The following TCN2 variants were observed in gnomAD, a reference collection of about 807,000 sequenced individuals.
The protein encoded by TCN2 is transcobalamin-2.
TCN2 carries 34 observed loss-of-function variants against 48.6 expected under a neutral mutation model. The observed-to-expected ratio is 0.70, with a 90% CI of 0.53 to 0.93. The LOEUF (loss-of-function observed/expected upper bound fraction) is 0.93. TCN2 is among the 40% of genes least tolerant of loss of function. The pLI is 0.00. For missense variants in TCN2, 652 were observed against 526.1 expected (o/e 1.24, Z -2.34); for synonymous variants, 283 against 212.5 (o/e 1.33, Z -2.89).
intron 1 of TCN2, among the ~76,000 whole-genome samples, chr22:30,609,925 G>C (rs775962097): frequency 4.6e-5 from 7 of 152,280 alleles, no homozygotes; most frequent in Non-Finnish European, 8.8e-5. Context: ...AGGAGCTCTG[G>C]TCCTCGTTCT....
At chr22:30,607,452 C>G in intron 1 of TCN2, 57 bp downstream of exon 1, 1 of 1,602,340 alleles carries the variant, frequency 6.2e-7, no homozygotes, top group Admixed American at 1.7e-5. Context: ...AGTGGGGTGG[C>G]TAGGGCATAG....
At chr22:30,624,676 G>A (rs1465445193) in intron 8 of TCN2, among the ~76,000 whole-genome samples, 1 of 152,156 alleles carries the variant, frequency 6.6e-6, no homozygotes, top group East Asian at 1.9e-4. Flanking sequence ...AAGCAGACCT[G>A]GGCAGTTGTA....
chr22:30,614,491 C>G lies in TCN2; in HGVS notation c.570C>G (p.His190Gln). Residue 190 changes from histidine (H) to glutamine (Q), a missense_variant, in exon 4 of 9, where the codon CAC (histidine) becomes CAG (glutamine). Transcript: ENST00000215838. ...LYAVEPFHQG[H>Q]HSVDTAAMAG... is the part of the protein sequence containing the mutation. ...CTGTGGAACCTTTCCACCAGGGCCA[C>G]CATTCTGTGGGTGAGTAGGTCAGAC... The G allele has an allele frequency of 6.2e-7, 1 of 1,614,166 alleles. No individual in the cohort carries two copies. The highest frequency in any genetic ancestry group is 8.5e-7 in the Non-Finnish European group (1 of 1,180,036).
rs759533329 is a variant in TCN2 at position 30,615,738 on chromosome 22, C to T, written c.891C>T (p.Asn297=). The change falls in exon 6 of 9, where the codon AAC becomes AAT. Residue 297 remains asparagine (N), a synonymous_variant. Coordinates refer to ENST00000215838, the MANE Select transcript of TCN2 (RefSeq NM_000355.4). ...LMISQLLPVL[N]HKTYIDLIFP... The stretch of plus-strand genomic sequence containing the variant: ...TTTCCCAGCTGCTGCCCGTTCTGAA[C>T]CACAAGACCTACATTGATCTGATCT... 11 of 1,614,236 alleles carry T rather than the reference C, an allele frequency of 6.8e-6. No individual in the cohort carries two copies. The highest frequency in any genetic ancestry group is 3.3e-5 in the Admixed American group (2 of 60,026).
chr22:30,626,378 AG>A, intron 8 of TCN2, 81 bp from the exon 9 acceptor site: 1 of 1,450,308 alleles, frequency 6.9e-7, no homozygotes, highest in South Asian at 1.2e-5. Flanking sequence ...CTCTAGCCTC[AG>A]GGTGGGGGGT....
chr22:30,623,789 C>CACACATATACACAT (rs1569046409), intron 8 of TCN2, among the ~76,000 whole-genome samples: 1 of 5,652 alleles, frequency 1.8e-4, no homozygotes, highest in African/African-American at 1.6e-3. Context: ...TATATGTATA[C>CACACATATACACAT]ATATATACAC....
At chr22:30,626,304 C>G (rs566622391) in intron 8 of TCN2, among the ~76,000 whole-genome samples, 156 bp from the exon 9 acceptor site, 2 of 152,236 alleles carry the variant, frequency 1.3e-5, no homozygotes, top group African/African-American at 2.4e-5. Flanking sequence ...AGTTCAGAGT[C>G]TTTGAGCAGG....
rs143955145 is a variant in TCN2 at position 30,611,403 on chromosome 22, G to A, written c.257+340G>A. ...CAGATATCACTAATCGATGACTGCA[G>A]TCTTCTACATTGAGCTTAGAAGCAG... On this transcript the variant is annotated intron_variant, in intron 2 of 8. Transcript: ENST00000215838. Among the ~76,000 whole-genome samples, 471 of 152,240 alleles carry A rather than the reference G, an allele frequency of 3.1e-3. 2 individuals are homozygous for A. The highest frequency in any genetic ancestry group is 4.5e-3 in the Non-Finnish European group (305 of 68,024).
At chr22:30,621,986 G>GTTTGT (rs757825437) in intron 7 of TCN2, among the ~76,000 whole-genome samples, 38 of 152,140 alleles carry the variant, frequency 2.5e-4, no homozygotes, top group Admixed American at 1.4e-3. Context: ...GGCCCACGGA[G>GTTTGT]TTTGTTTTGT....
intron 2 of TCN2, among the ~76,000 whole-genome samples, chr22:30,612,567 TAAAATAAA>T (rs972566557): frequency 3.3e-5 from 5 of 151,338 alleles, no homozygotes; most frequent in African/African-American, 9.7e-5. Context: ...AATAAATAAA[TAAAATAAA>T]AAAATAAAAA....
chr22:30,617,628 T>C, intron 7 of TCN2, 133 bp downstream of exon 7: 1 of 1,193,970 alleles, frequency 8.4e-7, no homozygotes, highest in Non-Finnish European at 1.2e-6. Flanking sequence ...TTCTACCTGC[T>C]CAGCTCCTTT....
intron 7 of TCN2, among the ~76,000 whole-genome samples, chr22:30,621,316 T>TC (rs1320389690): frequency 6.6e-6 from 1 of 151,968 alleles, no homozygotes. Context: ...ACCAAAAAAA[T>TC]CCCTCTAAGA....
At chr22:30,620,292 A>G (rs2145552857) in intron 7 of TCN2, among the ~76,000 whole-genome samples, 1 of 152,374 alleles carries the variant, frequency 6.6e-6, no homozygotes, top group Middle Eastern at 3.4e-3. Flanking sequence ...TCTCTACCAC[A>G]CACAAAAAAA....
At position 30,623,997 on chromosome 22, in the gene TCN2, CAT is replaced by C. The variant is rs1181366394; in HGVS notation, c.1222+921_1222+922del. Among the ~76,000 whole-genome samples, 78 of 63,470 alleles carry C rather than the reference CAT, an allele frequency of 1.2e-3. 22 individuals carry two copies. The highest frequency in any genetic ancestry group is 7.6e-3 in the Middle Eastern group (1 of 132). The allele number at this position is 63,470 out of a possible 152,430, so 41.6% of individuals were successfully genotyped here. ...ATATATATGTATACATATATACACACATATATATGTATACATATATACACACA... is the reference window on the plus strand; with the variant it reads ...ATATATATGTATACATATATACACACATATATGTATACATATATACACACA... On this transcript the variant is annotated intron_variant, in intron 8 of 8. Coordinates refer to ENST00000215838, the MANE Select transcript of TCN2 (RefSeq NM_000355.4).
rs1165427015 is a variant in TCN2, at chr22:30,624,013, TATATACACACATATATATGTATAC to T, written c.1222+936_1222+959del. Among the ~76,000 whole-genome samples, 34 of 115,400 alleles carry T rather than the reference TATATACACACATATATATGTATAC, an allele frequency of 2.9e-4. 11 individuals are homozygous for T. Among genetic ancestry groups the T allele is most frequent in the African/African-American group, 1.2e-3 (32 of 27,204 alleles). 75.7% of individuals were successfully genotyped at this position (115,400 alleles called of 152,430 possible). A position where few individuals can be genotyped will look rare whatever the true frequency, so the allele number is the denominator to read the frequency against. On this transcript the variant is annotated intron_variant, in intron 8 of 8. Coordinates refer to ENST00000215838, the MANE Select transcript of TCN2 (RefSeq NM_000355.4). ...ATATACACACATATATATGTATACA[TATATACACACATATATATGTATAC>T]ATATATACACACACACACACACACA...
intron 7 of TCN2, among the ~76,000 whole-genome samples, chr22:30,620,160 A>T (rs984493635): frequency 2.0e-5 from 3 of 151,262 alleles, no homozygotes; most frequent in Non-Finnish European, 2.9e-5. Context: ...TTTTTTTTTA[A>T]AAGACAAAGG....
At chr22:30,611,880 C>G (rs1456114395) in intron 2 of TCN2, among the ~76,000 whole-genome samples, 1 of 152,084 alleles carries the variant, frequency 6.6e-6, no homozygotes, top group African/African-American at 2.4e-5. Flanking sequence ...GAATGAGAGG[C>G]GAAGAATCAG....
rs1008882704 is a variant in TCN2, at chr22:30,607,271, C to A, written c.-61C>A. 19 of 1,594,574 alleles carry A rather than the reference C, an allele frequency of 1.2e-5. No individual in the cohort carries two copies. Among genetic ancestry groups the A allele is most frequent in the Admixed American group, 1.7e-5 (1 of 59,992 alleles). On this transcript the variant is annotated 5_prime_UTR_variant, in exon 1 of 9. Coordinates refer to ENST00000215838, the MANE Select transcript of TCN2 (RefSeq NM_000355.4). Reference sequence around the variant, plus strand: ...CCAGCTGTGGTCAGGAGAGCCTCAGCAGGGCCAGCCCCAGGAGTCTTTCCC... The same window carrying A: ...CCAGCTGTGGTCAGGAGAGCCTCAGAAGGGCCAGCCCCAGGAGTCTTTCCC...
intron 6 of TCN2, among the ~76,000 whole-genome samples, chr22:30,616,077 GGA>G: frequency 1.3e-5 from 2 of 150,170 alleles, no homozygotes; most frequent in East Asian, 3.9e-4. Context: ...GGATGGATGA[GGA>G]GAGACACATT....
Sources: allele counts gnomAD v4.1 joint callset (sites outside exome capture counted in the v4.1 genomes callset), GRCh38; gene constraint gnomAD v4.1.1; transcripts MANE v1.5; gene names NCBI Gene and HGNC (gene_info 2026-07-23, HGNC 2026-07-21).